The following EPHA7 variants were observed in gnomAD, a reference collection of about 807,000 sequenced individuals.
EPHA7 encodes the protein ephrin type-A receptor 7.
Under a neutral mutation model 112.6 loss-of-function variants are expected in EPHA7, and 25 were observed. The observed-to-expected ratio is 0.22, with a 90% CI of 0.16 to 0.31. The LOEUF (loss-of-function observed/expected upper bound fraction) is 0.31. Among genes scored for constraint, EPHA7 ranks in the 10% least tolerant of loss-of-function variants. The pLI is 1.00. For synonymous variants in EPHA7, 437 were observed against 406.5 expected (o/e 1.07, Z -0.90); for missense variants, 962 against 1,212.6 (o/e 0.79, Z 3.07).
At chr6:93,257,002 TA>T (rs1270807474) in intron 12 of EPHA7, among the ~76,000 whole-genome samples, 1 of 152,142 alleles carries the variant, frequency 6.6e-6, no homozygotes, top group East Asian at 1.9e-4. Flanking sequence ...CACATACCAT[TA>T]ATTTGAAAAA....
At chr6:93,378,562 T>G (rs905795923) in intron 3 of EPHA7, among the ~76,000 whole-genome samples, 2 of 152,070 alleles carry the variant, frequency 1.3e-5, no homozygotes, top group African/African-American at 2.4e-5. Context: ...TCTTATACTT[T>G]TCACTTATCC....
intron 5 of EPHA7, among the ~76,000 whole-genome samples, chr6:93,353,106 A>AT (rs1044885116): frequency 6.6e-6 from 1 of 152,116 alleles, no homozygotes; most frequent in Admixed American, 6.6e-5. Flanking sequence ...TAAAAAAGGC[A>AT]TTTTTTAAAG....
chr6:93,324,437 T>C (rs2127890009), intron 5 of EPHA7, among the ~76,000 whole-genome samples: 1 of 151,424 alleles, frequency 6.6e-6, no homozygotes, highest in Non-Finnish European at 1.5e-5. Context: ...TTATTAGATT[T>C]TTGTAAACCC....
chr6:93,340,062 C>A (rs927895806), intron 5 of EPHA7, among the ~76,000 whole-genome samples: 8 of 151,614 alleles, frequency 5.3e-5, no homozygotes, highest in Non-Finnish European at 1.0e-4. Flanking sequence ...TGTTAATAAG[C>A]CACAAACTCT....
At chr6:93,365,318 T>A (rs1279538235) in intron 3 of EPHA7, among the ~76,000 whole-genome samples, 1 of 152,236 alleles carries the variant, frequency 6.6e-6, no homozygotes, top group Non-Finnish European at 1.5e-5. Context: ...AAAATCTACA[T>A]ACAAACGTAG....
chr6:93,351,087 C>T (rs1775668978), intron 5 of EPHA7, among the ~76,000 whole-genome samples: 1 of 152,098 alleles, frequency 6.6e-6, no homozygotes, highest in East Asian at 1.9e-4. Context: ...GCCCAGCTGC[C>T]GAGATATTTG....
intron 4 of EPHA7, among the ~76,000 whole-genome samples, chr6:93,357,863 A>G (rs1288668006): frequency 6.6e-6 from 1 of 152,092 alleles, no homozygotes; most frequent in Non-Finnish European, 1.5e-5. Context: ...CATGTTGGCC[A>G]GGCTAGTCTC....
intron 5 of EPHA7, among the ~76,000 whole-genome samples, chr6:93,345,147 T>C (rs1169035742): frequency 6.6e-6 from 1 of 151,700 alleles, no homozygotes; most frequent in Non-Finnish European, 1.5e-5. Flanking sequence ...TTAAGGGTGC[T>C]GAGTTTAAGA....
intron 7 of EPHA7, among the ~76,000 whole-genome samples, chr6:93,266,499 T>G (rs1408685144): frequency 6.6e-6 from 1 of 151,754 alleles, no homozygotes; most frequent in Admixed American, 6.6e-5. Context: ...TTATGGTTAA[T>G]ATTTTCATCT....
chr6:93,245,220 A>G, intron 16 of EPHA7, 78 bp downstream of exon 16: 3 of 1,324,844 alleles, frequency 2.3e-6, no homozygotes, highest in Non-Finnish European at 3.1e-6. Flanking sequence ...CTTTTAATAT[A>G]AAGAAGATAA....
At chr6:93,288,694 T>G (rs921154616) in intron 5 of EPHA7, among the ~76,000 whole-genome samples, 7 of 152,352 alleles carry the variant, frequency 4.6e-5, no homozygotes, top group Admixed American at 2.0e-4. Context: ...CCTCATTTTG[T>G]GCACCTTATA....
chr6:93,409,704 T>C (rs1011553339), intron 3 of EPHA7: 1 of 151,722 alleles, frequency 6.6e-6, no homozygotes, highest in African/African-American at 2.4e-5. Context: ...AGAATATCTA[T>C]CAATCTTGAA....
chr6:93,358,568 A>T (rs1776077765), intron 3 of EPHA7, among the ~76,000 whole-genome samples, 157 bp from the exon 4 acceptor site: 1 of 152,224 alleles, frequency 6.6e-6, no homozygotes, highest in South Asian at 2.1e-4. Context: ...TCACTAGCCA[A>T]ATGTTATGAT....
In EPHA7 at chr6:93,242,582, A is replaced by T; in HGVS notation, c.*844T>A. ...GTGCCTCATTTGTTTATATACTCAT[A>T]AACCTAAACTTCGAGTTTATTAAAT... On this transcript the variant is annotated 3_prime_UTR_variant, in exon 17 of 17. Transcript: ENST00000369303. 1 of 211,414 alleles carries T rather than the reference A, an allele frequency of 4.7e-6. No homozygotes were observed. Among genetic ancestry groups the T allele is most frequent in the Non-Finnish European group, 9.6e-6 (1 of 103,874 alleles). The allele number at this position is 211,414 out of a possible 1,614,324, so 13.1% of individuals were successfully genotyped here.
At chr6:93,325,463 A>C (rs192234383) in intron 5 of EPHA7, among the ~76,000 whole-genome samples, 1 of 151,334 alleles carries the variant, frequency 6.6e-6, no homozygotes, top group Admixed American at 6.6e-5. Flanking sequence ...CAATTGTCTA[A>C]AATTTTCTGT....
intron 14 of EPHA7, among the ~76,000 whole-genome samples, chr6:93,254,022 G>A (rs959597156): frequency 2.0e-5 from 3 of 151,676 alleles, no homozygotes; most frequent in African/African-American, 7.3e-5. Context: ...TTTTCTCAAC[G>A]GAAAACAGTA....
At position 93,242,929 on chromosome 6, in the gene EPHA7, C is replaced by T. The variant is rs1769747649; in HGVS notation, c.*497G>A. ...AAAGGTACCCAGTGTAGTAATGTTA[C>T]AGATTTAACACTAAAAAGGTCCAAA... On this transcript the variant is annotated 3_prime_UTR_variant, in exon 17 of 17. Transcript: ENST00000369303. The T allele has an allele frequency of 4.6e-6, 1 of 217,654 alleles. No homozygotes were observed. The highest frequency in any genetic ancestry group is 5.8e-5 in the Admixed American group (1 of 17,238). 13.5% of individuals were successfully genotyped at this position (217,654 alleles called of 1,614,324 possible).
chr6:93,257,365 T>C, intron 12 of EPHA7, 97 bp downstream of exon 12: 1 of 830,628 alleles, frequency 1.2e-6, no homozygotes, highest in East Asian at 2.5e-5. Context: ...CTTACTATTT[T>C]ACAAGGCTCT....
chr6:93,288,750 T>C (rs1266993650), intron 5 of EPHA7, among the ~76,000 whole-genome samples: 2 of 152,086 alleles, frequency 1.3e-5, no homozygotes, highest in East Asian at 3.9e-4. Context: ...TCACACCAAG[T>C]TGAGATATCA....
Sources: gnomAD v4.1 joint callset for allele counts (sites outside exome capture counted in the v4.1 genomes callset) on GRCh38, gnomAD v4.1.1 for gene constraint, MANE v1.5 for transcripts, NCBI Gene and HGNC (gene_info 2026-07-23, HGNC 2026-07-21) for gene names.